The following ATP8A1 variants were observed in gnomAD, a reference collection of about 807,000 sequenced individuals.
ATP8A1 encodes the protein ATPase phospholipid transporting 8A1.
Under a neutral mutation model 177.7 loss-of-function variants are expected in ATP8A1, and 90 were observed. The ratio of observed to expected loss-of-function variants is 0.51; its 90% CI spans 0.43 to 0.60. The LOEUF (loss-of-function observed/expected upper bound fraction) is 0.60, where lower values mean the gene tolerates loss of function less well. Among genes scored for constraint, ATP8A1 ranks in the 20% least tolerant of loss-of-function variants. ATP8A1 has a pLI of 0.00. For synonymous variants in ATP8A1, 493 were observed against 485.9 expected (o/e 1.01, Z -0.19); for missense variants, 1,072 against 1,392.8 (o/e 0.77, Z 3.67).
chr4:42,574,741 GA>G (rs1265428932), intron 13 of ATP8A1, 34 bp from the exon 14 acceptor site: 1 of 1,481,110 alleles, frequency 6.8e-7, no homozygotes, highest in South Asian at 1.2e-5. Flanking sequence ...TTAATATTTT[GA>G]AAGTCTTTAT....
intron 1 of ATP8A1, among the ~76,000 whole-genome samples, chr4:42,643,171 C>T (rs1740179236): frequency 6.6e-6 from 1 of 152,110 alleles, no homozygotes. Flanking sequence ...CATACAGTTC[C>T]CAGATACCTA....
chr4:42,586,270 T>C (rs1340368526), intron 9 of ATP8A1, 79 bp downstream of exon 9: 5 of 1,506,600 alleles, frequency 3.3e-6, no homozygotes, highest in Non-Finnish European at 4.5e-6. Context: ...GAAGATAATA[T>C]GTATCCAGAC....
chr4:42,439,874 G>A (rs553324659), intron 33 of ATP8A1, among the ~76,000 whole-genome samples: 1 of 152,266 alleles, frequency 6.6e-6, no homozygotes, highest in East Asian at 1.9e-4. Context: ...GGAGCACAGG[G>A]CAACGTTTAA....
At chr4:42,629,502 T>G (rs1030674692) in intron 1 of ATP8A1, among the ~76,000 whole-genome samples, 1 of 152,208 alleles carries the variant, frequency 6.6e-6, no homozygotes, top group East Asian at 1.9e-4. Flanking sequence ...GGAGTGAGGC[T>G]CTCAGCCAGT....
intron 1 of ATP8A1, among the ~76,000 whole-genome samples, chr4:42,645,935 A>G (rs1740486002): frequency 6.7e-6 from 1 of 149,594 alleles, no homozygotes; most frequent in Admixed American, 6.7e-5. Flanking sequence ...AGGTTAGAGA[A>G]AAAAAAAAAA....
At chr4:42,581,134 T>C (rs190910811) in intron 10 of ATP8A1, among the ~76,000 whole-genome samples, 1 of 151,758 alleles carries the variant, frequency 6.6e-6, no homozygotes, top group Non-Finnish European at 1.5e-5. Flanking sequence ...TTAGCCATTC[T>C]TTTTTTATTT....
chr4:42,534,679 C>T (rs115077477), intron 20 of ATP8A1, among the ~76,000 whole-genome samples: 4,495 of 152,170 alleles, frequency 0.03, 221 homozygotes, highest in African/African-American at 0.1. Flanking sequence ...AAATACATCA[C>T]AAAAAGATCA....
intron 27 of ATP8A1, among the ~76,000 whole-genome samples, chr4:42,463,130 G>A (rs1577981419): frequency 6.6e-6 from 1 of 152,174 alleles, no homozygotes; most frequent in South Asian, 2.1e-4. Flanking sequence ...ATGCTGAAAT[G>A]AGTTAAGACT....
chr4:42,555,085 GTATCTATCTATC>G (rs200520162), intron 16 of ATP8A1, among the ~76,000 whole-genome samples: 4,226 of 119,378 alleles, frequency 0.035, 146 homozygotes, highest in Middle Eastern at 0.055. Flanking sequence ...CTTTGTGTGT[GTATCTATCTATC>G]TATCTATCTA....
At chr4:42,449,971 G>A (rs935114074) in intron 30 of ATP8A1, among the ~76,000 whole-genome samples, 2 of 152,014 alleles carry the variant, frequency 1.3e-5, no homozygotes, top group Non-Finnish European at 2.9e-5. Flanking sequence ...TTTAGAAGAC[G>A]GGCATACCTT....
intron 33 of ATP8A1, among the ~76,000 whole-genome samples, chr4:42,438,665 G>A (rs1399819532): frequency 6.6e-6 from 1 of 152,040 alleles, no homozygotes; most frequent in Non-Finnish European, 1.5e-5. Context: ...GCGGGGAAAT[G>A]GCAGATGGAC....
intron 9 of ATP8A1, among the ~76,000 whole-genome samples, chr4:42,586,060 C>T (rs1362543906): frequency 1.3e-5 from 2 of 152,144 alleles, no homozygotes; most frequent in Non-Finnish European, 2.9e-5. Flanking sequence ...GTAATTCTTA[C>T]TCCCATTGTT....
intron 20 of ATP8A1, among the ~76,000 whole-genome samples, chr4:42,541,857 G>T (rs1728423886): frequency 6.6e-6 from 1 of 152,202 alleles, no homozygotes; most frequent in African/African-American, 2.4e-5. Context: ...AACAGTGGTT[G>T]CCAGGGCCTT....
intron 35 of ATP8A1, among the ~76,000 whole-genome samples, chr4:42,417,936 C>T (rs1405416484): frequency 6.6e-6 from 1 of 152,132 alleles, no homozygotes; most frequent in African/African-American, 2.4e-5. Context: ...TGGACAGAAC[C>T]ATTACCACAG....
chr4:42,607,526 C>T (rs371198713), intron 5 of ATP8A1, among the ~76,000 whole-genome samples: 54 of 152,182 alleles, frequency 3.5e-4, no homozygotes, highest in African/African-American at 5.8e-4. Flanking sequence ...TCCTCTGACC[C>T]GGCACAAACC....
chr4:42,562,527 C>T lies in ATP8A1; in HGVS notation c.1341-6487G>A, dbSNP rs1036249858. On this transcript the variant is annotated intron_variant, in intron 15 of 36. Coordinates refer to ENST00000381668, the MANE Select transcript of ATP8A1 (RefSeq NM_006095.2). ...GTACAACTGGCTGCAAAGTAAAGTCCAAAGTAGAGTCCAAAAATATGAGCA... is the reference window on the plus strand; with the variant it reads ...GTACAACTGGCTGCAAAGTAAAGTCTAAAGTAGAGTCCAAAAATATGAGCA... The T allele has an allele frequency of 2.0e-5, 3 of 152,166 alleles. No homozygotes were observed. The East Asian group carries it at 5.8e-4, about 29-fold the overall frequency. The allele number at this position is 152,166 out of a possible 1,614,324, so 9.4% of individuals were successfully genotyped here.
chr4:42,552,937 G>C (rs1306673131), intron 16 of ATP8A1, among the ~76,000 whole-genome samples: 3 of 152,174 alleles, frequency 2.0e-5, no homozygotes, highest in Non-Finnish European at 4.4e-5. Context: ...AGTGAGCTGA[G>C]ATTGCAACAT....
intron 36 of ATP8A1, 120 bp downstream of exon 36, chr4:42,414,507 G>T: frequency 1.2e-6 from 1 of 854,152 alleles, no homozygotes; most frequent in Non-Finnish European, 1.8e-6. Context: ...TTACAAATAT[G>T]CAAAACTTAT....
intron 29 of ATP8A1, 21 bp from the exon 30 acceptor site, chr4:42,452,080 A>T: frequency 6.4e-7 from 1 of 1,573,778 alleles, no homozygotes; most frequent in Non-Finnish European, 8.7e-7. Context: ...ACAAAAATCC[A>T]TGAGAACCAT....
Sources: gnomAD v4.1 joint callset for allele counts (sites outside exome capture counted in the v4.1 genomes callset) on GRCh38, gnomAD v4.1.1 for gene constraint, MANE v1.5 for transcripts, NCBI Gene and HGNC (gene_info 2026-07-23, HGNC 2026-07-21) for gene names.